ASXL3: variants seen among roughly 807,000 people sequenced by gnomAD.
The protein encoded by ASXL3 is ASXL transcriptional regulator 3, also known as putative Polycomb group protein ASXL3.
ASXL3 carries 34 observed loss-of-function variants against 170.6 expected under a neutral mutation model. The ratio of observed to expected loss-of-function variants is 0.20; its 90% CI spans 0.15 to 0.27. The LOEUF (loss-of-function observed/expected upper bound fraction) is 0.27. Ranked by LOEUF, ASXL3 falls within the 10% of genes least tolerant of loss-of-function variation. The probability of loss-of-function intolerance (pLI) is 1.00; values close to 1 mark genes in which losing one functional copy is unlikely to be tolerated. For synonymous variants in ASXL3, 1,002 were observed against 989.1 expected (o/e 1.01, Z -0.24); for missense variants, 2,592 against 2,695.3 (o/e 0.96, Z 0.85).
chr18:33,654,923 G>C (rs1361668433), intron 4 of ASXL3, among the ~76,000 whole-genome samples: 1 of 151,990 alleles, frequency 6.6e-6, no homozygotes, highest in Non-Finnish European at 1.5e-5. Flanking sequence ...AGAGATAATA[G>C]TATAACTAAA....
intron 5 of ASXL3, among the ~76,000 whole-genome samples, chr18:33,668,302 C>T (rs1307162774): frequency 6.6e-6 from 1 of 151,878 alleles, no homozygotes; most frequent in Admixed American, 6.6e-5. Flanking sequence ...GTGGTGCACA[C>T]CTGTTATCCT....
At chr18:33,724,238 A>G (rs1033467403) in intron 8 of ASXL3, among the ~76,000 whole-genome samples, 1 of 152,044 alleles carries the variant, frequency 6.6e-6, no homozygotes, top group Non-Finnish European at 1.5e-5. Context: ...AAAAATTATT[A>G]TATATATTAG....
chr18:33,680,531 T>G (rs1458443077), intron 7 of ASXL3, among the ~76,000 whole-genome samples: 3 of 152,094 alleles, frequency 2.0e-5, no homozygotes, highest in African/African-American at 7.2e-5. Context: ...TTTGATCCAA[T>G]CTATCAGGTT....
At position 33,648,358 on chromosome 18, in the gene ASXL3, G is replaced by A. The variant is rs114086099; in HGVS notation, c.355+2005G>A. ...TCTGGTAGATCCAGCAGAAGCTGCT[G>A]GCAGATAAATGTGAGTGTAAGATAG... On this transcript the variant is annotated intron_variant, in intron 4 of 11. Transcript: ENST00000269197. Among the ~76,000 whole-genome samples the A allele has an allele frequency of 3.0e-3, 459 of 152,180 alleles. 3 individuals carry two copies. Among genetic ancestry groups the A allele is most frequent in the African/African-American group, 0.011 (445 of 41,536 alleles).
At chr18:33,683,014 T>G (rs908116617) in intron 7 of ASXL3, among the ~76,000 whole-genome samples, 2 of 152,204 alleles carry the variant, frequency 1.3e-5, no homozygotes, top group African/African-American at 4.8e-5. Flanking sequence ...GTACTGTTGT[T>G]TCTGTTATCA....
chr18:33,688,546 C>T (rs989068885), intron 8 of ASXL3, among the ~76,000 whole-genome samples: 2 of 151,988 alleles, frequency 1.3e-5, no homozygotes, highest in Non-Finnish European at 2.9e-5. Context: ...ATAGTCATCA[C>T]AGAGAAGTAT....
chr18:33,649,211 G>T (rs573544750), intron 4 of ASXL3, among the ~76,000 whole-genome samples: 1 of 152,234 alleles, frequency 6.6e-6, no homozygotes, highest in East Asian at 1.9e-4. Context: ...TTCTGTTATG[G>T]TTTGGTTAGA....
At chr18:33,620,045 C>G (rs1179560125) in intron 2 of ASXL3, among the ~76,000 whole-genome samples, 1 of 152,120 alleles carries the variant, frequency 6.6e-6, no homozygotes, top group African/African-American at 2.4e-5. Context: ...GAATCTTTAT[C>G]ATGACCACTT....
At chr18:33,628,269 C>G (rs1162771707) in intron 2 of ASXL3, among the ~76,000 whole-genome samples, 3 of 152,084 alleles carry the variant, frequency 2.0e-5, no homozygotes, top group Admixed American at 6.6e-5. Flanking sequence ...TCGCCCATTC[C>G]AAAGCTCAGT....
At chr18:33,617,482 C>T (rs796785249) in intron 2 of ASXL3, among the ~76,000 whole-genome samples, 74 of 152,264 alleles carry the variant, frequency 4.9e-4, no homozygotes, top group African/African-American at 1.7e-3. Flanking sequence ...CAGAGTGAGA[C>T]TCCATCTCAA....
At chr18:33,639,253 T>TATCC (rs1367692967) in intron 2 of ASXL3, among the ~76,000 whole-genome samples, 3 of 152,148 alleles carry the variant, frequency 2.0e-5, no homozygotes, top group African/African-American at 7.2e-5. Context: ...TGAGTTTTAT[T>TATCC]ATCCACATTT....
At chr18:33,618,708 C>A (rs1215185057) in intron 2 of ASXL3, among the ~76,000 whole-genome samples, 6 of 152,040 alleles carry the variant, frequency 3.9e-5, no homozygotes, top group African/African-American at 1.4e-4. Context: ...AGACCATTTT[C>A]TGTGTTATTT....
chr18:33,640,165 TG>T (rs886074976), intron 2 of ASXL3, among the ~76,000 whole-genome samples: 1 of 152,072 alleles, frequency 6.6e-6, no homozygotes, highest in African/African-American at 2.4e-5. Flanking sequence ...CCATGAAGTC[TG>T]GGACACTGTT....
At position 33,688,913 on chromosome 18, in the gene ASXL3, G is replaced by A. The variant is rs114519747; in HGVS notation, c.879+5345G>A. On this transcript the variant is annotated intron_variant, in intron 8 of 11. Coordinates refer to ENST00000269197, the MANE Select transcript of ASXL3 (RefSeq NM_030632.3). ...TCATAAACTTTTAGAAAATGTGAAG[G>A]CATATTTGAGAATAAGTTTGCAGCC... is the stretch of plus-strand genomic sequence containing the variant. 1.7e-3 allele frequency among the ~76,000 whole-genome samples: 262 copies of A among 152,222 alleles called. 1 individual carries two copies. The highest frequency in any genetic ancestry group is 6.1e-3 in the African/African-American group (255 of 41,524).
At chr18:33,662,327 A>G (rs2066187398) in intron 5 of ASXL3, among the ~76,000 whole-genome samples, 1 of 152,144 alleles carries the variant, frequency 6.6e-6, no homozygotes, top group Non-Finnish European at 1.5e-5. Context: ...GGGCACGGAC[A>G]TGCCCTGGTT....
At chr18:33,618,945 C>G (rs1443401337) in intron 2 of ASXL3, among the ~76,000 whole-genome samples, 9 of 152,066 alleles carry the variant, frequency 5.9e-5, no homozygotes, top group Non-Finnish European at 4.4e-5. Flanking sequence ...TGCTGAAATG[C>G]TGTGTTTTAT....
intron 6 of ASXL3, among the ~76,000 whole-genome samples, chr18:33,671,231 T>C (rs1321888372): frequency 6.6e-6 from 1 of 152,196 alleles, no homozygotes; most frequent in Non-Finnish European, 1.5e-5. Flanking sequence ...GCAGCATTCT[T>C]CTCACCCCAG....
chr18:33,725,698 A>G (rs1380831106), intron 8 of ASXL3, among the ~76,000 whole-genome samples: 4 of 152,138 alleles, frequency 2.6e-5, no homozygotes, highest in Non-Finnish European at 4.4e-5. Flanking sequence ...CCTTACATCA[A>G]CATATCCAAA....
intron 1 of ASXL3, chr18:33,578,894 C>A: frequency 4.7e-6 from 1 of 210,852 alleles, no homozygotes; most frequent in Non-Finnish European, 9.0e-6. Flanking sequence ...CGATTATCTC[C>A]GGGAGCCCCG....
Sources: gnomAD v4.1 joint callset for allele counts (sites outside exome capture counted in the v4.1 genomes callset) on GRCh38, gnomAD v4.1.1 for gene constraint, MANE v1.5 for transcripts, NCBI Gene and HGNC (gene_info 2026-07-23, HGNC 2026-07-21) for gene names.